Variants in LRRC4C observed in about 807,000 individuals in gnomAD.
LRRC4C encodes leucine-rich repeat-containing protein 4C.
LRRC4C carries 5 observed loss-of-function variants against 33.6 expected under a neutral mutation model. The ratio of observed to expected loss-of-function variants is 0.15; its 90% CI spans 0.08 to 0.31. The LOEUF is 0.31. Ranked by LOEUF, LRRC4C falls within the 10% of genes least tolerant of loss-of-function variation. The probability of loss-of-function intolerance (pLI) is 1.00; values close to 1 mark genes in which losing one functional copy is unlikely to be tolerated. For synonymous variants in LRRC4C, 329 were observed against 302.0 expected (o/e 1.09, Z -0.93); for missense variants, 560 against 796.7 (o/e 0.70, Z 3.58).
intron 1 of LRRC4C, among the ~76,000 whole-genome samples, chr11:41,115,372 C>T (rs1197428828): frequency 6.7e-6 from 1 of 149,524 alleles, no homozygotes; most frequent in Admixed American, 6.7e-5. Flanking sequence ...TATATCCCCC[C>T]ATCTTTTTTT....
intron 1 of LRRC4C, among the ~76,000 whole-genome samples, chr11:40,939,405 C>T (rs186411011): frequency 1.2e-4 from 19 of 152,234 alleles, no homozygotes; most frequent in Middle Eastern, 3.4e-3. Context: ...AGCACATATA[C>T]AAGTTGGTAA....
At chr11:40,930,216 C>T (rs1353708118) in intron 2 of LRRC4C, among the ~76,000 whole-genome samples, 1 of 152,144 alleles carries the variant, frequency 6.6e-6, no homozygotes, top group African/African-American at 2.4e-5. Flanking sequence ...AAGAAAAATA[C>T]CAAACCTTTG....
intron 1 of LRRC4C, among the ~76,000 whole-genome samples, chr11:41,035,729 A>G (rs994421113): frequency 4.0e-4 from 61 of 152,314 alleles, no homozygotes; most frequent in African/African-American, 1.4e-3. Flanking sequence ...ACTTGTTTAC[A>G]AATAAGGAAA....
chr11:40,889,161 T>A (rs934289990), intron 2 of LRRC4C, among the ~76,000 whole-genome samples: 1 of 152,058 alleles, frequency 6.6e-6, no homozygotes, highest in Non-Finnish European at 1.5e-5. Flanking sequence ...TAAATTTAAA[T>A]GTTCAAGAAA....
chr11:41,113,799 C>T (rs763686580), intron 1 of LRRC4C, among the ~76,000 whole-genome samples: 5 of 151,760 alleles, frequency 3.3e-5, no homozygotes, highest in African/African-American at 4.8e-5. Context: ...TTTTTTTTAA[C>T]ATTTCTGCAT....
At chr11:41,228,458 A>C (rs1947640353) in intron 1 of LRRC4C, among the ~76,000 whole-genome samples, 1 of 152,120 alleles carries the variant, frequency 6.6e-6, no homozygotes, top group Non-Finnish European at 1.5e-5. Flanking sequence ...GGTCTCCATC[A>C]CGGCTGTGAG....
intron 2 of LRRC4C, among the ~76,000 whole-genome samples, chr11:40,853,383 G>C (rs1474714521): frequency 2.0e-5 from 3 of 148,372 alleles, no homozygotes; most frequent in Non-Finnish European, 1.5e-5. Context: ...TATGTAAACA[G>C]AAATATATAA....
At chr11:40,444,745 G>C (rs912226675) in intron 3 of LRRC4C, among the ~76,000 whole-genome samples, 2 of 152,158 alleles carry the variant, frequency 1.3e-5, no homozygotes, top group Admixed American at 1.3e-4. Flanking sequence ...AACAACACAA[G>C]ATTCTTTCCT....
intron 3 of LRRC4C, among the ~76,000 whole-genome samples, chr11:40,440,057 G>T (rs944613286): frequency 2.0e-5 from 3 of 152,150 alleles, no homozygotes; most frequent in Non-Finnish European, 4.4e-5. Context: ...GAGATAGTCT[G>T]GCCTGCATAG....
chr11:40,229,981 A>C (rs576218917), intron 5 of LRRC4C, among the ~76,000 whole-genome samples: 1 of 152,302 alleles, frequency 6.6e-6, no homozygotes, highest in East Asian at 1.9e-4. Context: ...CCAATGATGA[A>C]TCTCAGTGAA....
intron 1 of LRRC4C, among the ~76,000 whole-genome samples, chr11:40,996,605 T>C (rs915631309): frequency 1.3e-5 from 2 of 152,136 alleles, no homozygotes; most frequent in African/African-American, 2.4e-5. Context: ...TATAAAGAAA[T>C]ACCTGAGGTT....
chr11:40,706,536 T>G (rs1015120538), intron 2 of LRRC4C, among the ~76,000 whole-genome samples: 1 of 152,182 alleles, frequency 6.6e-6, no homozygotes, highest in Non-Finnish European at 1.5e-5. Context: ...GTGGTGTTAT[T>G]TCTGAGGCCT....
intron 3 of LRRC4C, among the ~76,000 whole-genome samples, chr11:40,513,564 G>A (rs917522641): frequency 1.3e-5 from 2 of 152,144 alleles, no homozygotes; most frequent in African/African-American, 2.4e-5. Context: ...TCCTCTTAGA[G>A]CAATGGGAAG....
intron 1 of LRRC4C, among the ~76,000 whole-genome samples, chr11:41,197,626 A>T (rs1590908437): frequency 1.3e-5 from 2 of 151,888 alleles, no homozygotes; most frequent in African/African-American, 2.4e-5. Flanking sequence ...GACAGATGGA[A>T]TTTTTTTTCA....
intron 3 of LRRC4C, among the ~76,000 whole-genome samples, chr11:40,544,886 A>G (rs1488846032): frequency 1.3e-5 from 2 of 152,076 alleles, no homozygotes; most frequent in Non-Finnish European, 2.9e-5. Context: ...AAAACGATCA[A>G]ACATTTGTTA....
At chr11:40,946,721 T>C (rs1339920513) in intron 1 of LRRC4C, among the ~76,000 whole-genome samples, 3 of 152,164 alleles carry the variant, frequency 2.0e-5, no homozygotes, top group Admixed American at 6.6e-5. Flanking sequence ...GGGATAAAAG[T>C]AACAAAGAAA....
chr11:40,972,087 G>A (rs926733461), intron 1 of LRRC4C, among the ~76,000 whole-genome samples: 2 of 150,758 alleles, frequency 1.3e-5, no homozygotes, highest in East Asian at 1.9e-4. Flanking sequence ...GGACTTTTGA[G>A]TTACTTCTGG....
intron 2 of LRRC4C, among the ~76,000 whole-genome samples, chr11:40,694,158 C>A (rs563218777): frequency 6.6e-6 from 1 of 152,218 alleles, no homozygotes; most frequent in East Asian, 1.9e-4. Context: ...AAACCTCCTG[C>A]AATCTTTAAT....
At chr11:40,695,553 C>A (rs1945458931) in intron 2 of LRRC4C, among the ~76,000 whole-genome samples, 1 of 152,124 alleles carries the variant, frequency 6.6e-6, no homozygotes, top group African/African-American at 2.4e-5. Context: ...AAGTTATTAT[C>A]TTACAGTTCT....
Sources: allele counts gnomAD v4.1 joint callset (sites outside exome capture counted in the v4.1 genomes callset), GRCh38; gene constraint gnomAD v4.1.1; transcripts MANE v1.5; gene names NCBI Gene and HGNC (gene_info 2026-07-23, HGNC 2026-07-21).